The following ENOX2 variants were observed in gnomAD, a reference collection of about 807,000 sequenced individuals.
ENOX2 encodes ecto-NOX disulfide-thiol exchanger 2.
In ENOX2, 36 loss-of-function variants were observed where a neutral mutation model predicts 45.0. The observed-to-expected ratio is 0.80, with a 90% CI of 0.61 to 1.06. The LOEUF (loss-of-function observed/expected upper bound fraction) is 1.06. ENOX2 is among the 50% of genes least tolerant of loss of function. The pLI, the probability that ENOX2 is intolerant of heterozygous loss-of-function variation, is 0.00. For synonymous variants in ENOX2, 174 were observed against 152.3 expected (o/e 1.14, Z -1.05); for missense variants, 423 against 462.5 (o/e 0.91, Z 0.78).
intron 2 of ENOX2, among the ~76,000 whole-genome samples, chrX:130,862,929 G>A (rs1056729228): frequency 9.0e-6 from 1 of 111,504 alleles, no homozygotes; most frequent in East Asian, 2.8e-4. Context: ...GAATACAAAA[G>A]TGGTTTATGT....
intron 3 of ENOX2, among the ~76,000 whole-genome samples, chrX:130,705,947 G>C (rs1209809307): frequency 1.8e-5 from 2 of 111,608 alleles, no homozygotes; most frequent in East Asian, 5.6e-4. Flanking sequence ...ACCCTTCAAA[G>C]TGTCTGCAAG....
At chrX:130,851,924 G>C (rs2078218897) in intron 2 of ENOX2, among the ~76,000 whole-genome samples, 1 of 111,931 alleles carries the variant, frequency 8.9e-6, no homozygotes, top group South Asian at 3.7e-4. Flanking sequence ...GGGGCAGCTG[G>C]CCAAACTGTC....
chrX:130,733,284 C>T (rs184441715), intron 3 of ENOX2, among the ~76,000 whole-genome samples: 101 of 110,561 alleles, frequency 9.1e-4, no homozygotes, highest in African/African-American at 3.0e-3. Flanking sequence ...TGCTCAACAT[C>T]ACTAATCATT....
chrX:130,861,398 C>T (rs995059562), intron 2 of ENOX2, among the ~76,000 whole-genome samples: 4 of 111,390 alleles, frequency 3.6e-5, no homozygotes, highest in Non-Finnish European at 5.7e-5. Context: ...TACATACACA[C>T]ACACACACAA....
At chrX:130,726,421 C>A (rs900800095) in intron 3 of ENOX2, among the ~76,000 whole-genome samples, 1 of 112,434 alleles carries the variant, frequency 8.9e-6, no homozygotes, top group Admixed American at 9.4e-5. Context: ...CAGTTACAGG[C>A]TTCTTCAATT....
chrX:130,860,153 C>T (rs771891123), intron 2 of ENOX2, among the ~76,000 whole-genome samples: 61 of 110,810 alleles, frequency 5.5e-4, no homozygotes, highest in African/African-American at 1.8e-3. Flanking sequence ...GACTGGGTTT[C>T]GCCATGTTGG....
At chrX:130,658,471 G>C (rs2036602081) in intron 9 of ENOX2, among the ~76,000 whole-genome samples, 2 of 111,776 alleles carry the variant, frequency 1.8e-5, no homozygotes, top group Non-Finnish European at 3.8e-5. Flanking sequence ...TAAAAGATTT[G>C]AAGAAATAAG....
intron 9 of ENOX2, among the ~76,000 whole-genome samples, chrX:130,663,015 T>C (rs2036734036): frequency 8.9e-6 from 1 of 112,088 alleles, no homozygotes. Flanking sequence ...GGCAATAGGG[T>C]GCAAATATCT....
rs186087135 is a variant in ENOX2, at chrX:130,658,635, A to G, written c.1015-1940T>C. On this transcript the variant is annotated intron_variant, in intron 9 of 14. Transcript: ENST00000394363. ...TGGAAAGCAGCCAGAGAAAAGCAAT[A>G]CATTATACAGAGGGGAACAACAATT... is the stretch of plus-strand genomic sequence containing the variant. 1.2e-4 allele frequency among the ~76,000 whole-genome samples: 14 copies of G among 112,204 alleles called. No individual in the cohort carries two copies. In the East Asian group the frequency reaches 3.1e-3, roughly 25 times the overall value.
At chrX:130,671,652 G>A (rs1205106593) in intron 6 of ENOX2, among the ~76,000 whole-genome samples, 2 of 111,946 alleles carry the variant, frequency 1.8e-5, no homozygotes, top group African/African-American at 6.5e-5. Context: ...AACAATCCCT[G>A]AAAAGCTCCC....
chrX:130,757,051 G>T (rs1052286411), intron 3 of ENOX2, among the ~76,000 whole-genome samples: 1 of 111,817 alleles, frequency 8.9e-6, no homozygotes, highest in Non-Finnish European at 1.9e-5. Context: ...ATTTTCATAC[G>T]TCCCATAAGA....
At chrX:130,739,645 G>A (rs1409278019) in intron 3 of ENOX2, among the ~76,000 whole-genome samples, 1 of 112,154 alleles carries the variant, frequency 8.9e-6, no homozygotes, top group African/African-American at 3.2e-5. Context: ...AACCCACCGA[G>A]GTGAGGAGAA....
intron 3 of ENOX2, among the ~76,000 whole-genome samples, chrX:130,707,923 A>G (rs896302013): frequency 3.6e-5 from 4 of 111,879 alleles, no homozygotes; most frequent in African/African-American, 1.3e-4. Context: ...CCTGCCTTCC[A>G]GTCTTCCTTT....
At chrX:130,666,360 C>T (rs186020770) in intron 8 of ENOX2, among the ~76,000 whole-genome samples, 3 of 111,728 alleles carry the variant, frequency 2.7e-5, no homozygotes, top group Admixed American at 9.5e-5. Context: ...TGTGTAAGTG[C>T]GGTCCTAGAG....
At chrX:130,798,869 C>G in intron 2 of ENOX2, among the ~76,000 whole-genome samples, 1 of 112,062 alleles carries the variant, frequency 8.9e-6, no homozygotes, top group East Asian at 2.8e-4. Flanking sequence ...ACTATAACAC[C>G]ATTGGATAAA....
At chrX:130,653,009 C>T (rs905238439) in intron 10 of ENOX2, among the ~76,000 whole-genome samples, 6 of 112,304 alleles carry the variant, frequency 5.3e-5, no homozygotes, top group Admixed American at 1.9e-4. Context: ...TTTGTTATGA[C>T]ATCTCTAGTG....
chrX:130,856,958 T>C (rs986888783), intron 2 of ENOX2, among the ~76,000 whole-genome samples: 1 of 111,711 alleles, frequency 9.0e-6, no homozygotes, highest in African/African-American at 3.3e-5. Context: ...ATTTGTGAGA[T>C]GGGGCAAAGC....
intron 2 of ENOX2, among the ~76,000 whole-genome samples, chrX:130,898,669 T>C (rs983404324): frequency 9.0e-6 from 1 of 111,218 alleles, no homozygotes; most frequent in Non-Finnish European, 1.9e-5. Context: ...TAATCCATTC[T>C]ATAAATGTAC....
intron 2 of ENOX2, among the ~76,000 whole-genome samples, chrX:130,787,705 C>A (rs2076989093): frequency 8.9e-6 from 1 of 111,928 alleles, no homozygotes; most frequent in Non-Finnish European, 1.9e-5. Context: ...TTATTAATTA[C>A]ATGGATGTAC....
Sources: gnomAD v4.1 joint callset for allele counts (sites outside exome capture counted in the v4.1 genomes callset) on GRCh38, gnomAD v4.1.1 for gene constraint, MANE v1.5 for transcripts, NCBI Gene and HGNC (gene_info 2026-07-23, HGNC 2026-07-21) for gene names.